The following SEPTIN7 variants were observed in gnomAD, a reference collection of about 807,000 sequenced individuals.
SEPTIN7 encodes septin 7.
Under a neutral mutation model 63.3 loss-of-function variants are expected in SEPTIN7, and 10 were observed. The observed-to-expected ratio is 0.16, with a 90% CI of 0.10 to 0.27. The LOEUF (loss-of-function observed/expected upper bound fraction) is 0.27. Ranked by LOEUF, SEPTIN7 falls within the 10% of genes least tolerant of loss-of-function variation. The pLI, the probability that SEPTIN7 is intolerant of heterozygous loss-of-function variation, is 1.00. For synonymous variants in SEPTIN7, 131 were observed against 165.3 expected, an observed-to-expected ratio of 0.79 and a Z score of 1.59; for missense variants, 310 against 521.0, an observed-to-expected ratio of 0.59 and a Z score of 3.94.
the SEPTIN7 span, among the ~76,000 whole-genome samples, chr7:35,913,353 C>T: frequency 3.7e-4 from 57 of 152,244 alleles, 1 homozygote; most frequent in South Asian, 0.01. Context: ...CACATCAGGC[C>T]GGCCCTCTTC....
intron 3 of SEPTIN7, among the ~76,000 whole-genome samples, chr7:35,846,154 A>T (rs1167810967): frequency 3.9e-5 from 6 of 152,174 alleles, no homozygotes. Flanking sequence ...CTGTAATACC[A>T]TATTTATTTT....
chr7:35,899,719 T>TA (rs1308521871), intron 12 of SEPTIN7: 1 of 151,912 alleles, frequency 6.6e-6, no homozygotes, highest in Non-Finnish European at 1.5e-5. Context: ...CCAATCCCTA[T>TA]AAAAAATTTT....
intron 1 of SEPTIN7, among the ~76,000 whole-genome samples, chr7:35,829,078 T>C (rs1384233726): frequency 6.7e-6 from 1 of 149,540 alleles, no homozygotes; most frequent in Non-Finnish European, 1.5e-5. Context: ...TCATTTCCTA[T>C]CACTCATCCC....
chr7:35,852,380 C>T (rs1038514228), intron 3 of SEPTIN7, among the ~76,000 whole-genome samples: 1 of 151,644 alleles, frequency 6.6e-6, no homozygotes, highest in African/African-American at 2.4e-5. Flanking sequence ...AGTTACACAA[C>T]TACTTTCTTA....
chr7:35,812,026 C>A, intron 1 of SEPTIN7: 1 of 217,614 alleles, frequency 4.6e-6, no homozygotes, highest in Admixed American at 5.7e-5. Context: ...ACTCAGGAGG[C>A]TGAGGCAGGA....
At chr7:35,868,602 T>C (rs1785959975) in intron 4 of SEPTIN7, among the ~76,000 whole-genome samples, 1 of 151,952 alleles carries the variant, frequency 6.6e-6, no homozygotes, top group South Asian at 2.1e-4. Flanking sequence ...AGATGGGTGA[T>C]GGCTATTAAG....
the SEPTIN7 span, among the ~76,000 whole-genome samples, chr7:35,914,639 CT>C: frequency 0.014 from 25 of 1,776 alleles, no homozygotes; most frequent in Non-Finnish European, 0.13. Flanking sequence ...CTTTCTGTCC[CT>C]CTCTCTCTCT....
chr7:35,854,824 A>G (rs1337651403), intron 3 of SEPTIN7, among the ~76,000 whole-genome samples: 1 of 152,090 alleles, frequency 6.6e-6, no homozygotes, highest in African/African-American at 2.4e-5. Context: ...TCTTGTAGAA[A>G]AACTGATATA....
intron 10 of SEPTIN7, 138 bp from the exon 11 acceptor site, chr7:35,890,530 T>G (rs1787568394): frequency 1.5e-6 from 1 of 652,966 alleles, no homozygotes; most frequent in African/African-American, 1.9e-5. Context: ...AATGCCACCT[T>G]CCTTAACAAT....
At chr7:35,894,605 ACT>A (rs1478604171) in intron 11 of SEPTIN7, among the ~76,000 whole-genome samples, 1 of 152,146 alleles carries the variant, frequency 6.6e-6, no homozygotes, top group Non-Finnish European at 1.5e-5. Context: ...TGGTTTTAAT[ACT>A]CTCACATGGC....
At chr7:35,816,259 C>A (rs1451279400) in intron 1 of SEPTIN7, among the ~76,000 whole-genome samples, 1 of 152,148 alleles carries the variant, frequency 6.6e-6, no homozygotes, top group African/African-American at 2.4e-5. Flanking sequence ...CTTGTCCTGG[C>A]AACCACTAAT....
intron 1 of SEPTIN7, among the ~76,000 whole-genome samples, chr7:35,805,972 G>T (rs533340828): frequency 8.9e-4 from 136 of 152,198 alleles, no homozygotes; most frequent in Non-Finnish European, 1.6e-3. Context: ...ATTTGAGGGA[G>T]GGGAGGGCTG....
At chr7:35,837,059 C>T (rs1784118515) in intron 3 of SEPTIN7, among the ~76,000 whole-genome samples, 1 of 152,066 alleles carries the variant, frequency 6.6e-6, no homozygotes, top group Admixed American at 6.5e-5. Flanking sequence ...AGAAAAAAAT[C>T]ACATAATTCC....
chr7:35,838,020 C>T (rs1237644945), intron 3 of SEPTIN7, among the ~76,000 whole-genome samples: 2 of 151,960 alleles, frequency 1.3e-5, no homozygotes, highest in African/African-American at 4.8e-5. Context: ...TGAGCCACCA[C>T]ACCTGGCCGT....
At chr7:35,907,807 T>C (rs1289159781), downstream of SEPTIN7, among the ~76,000 whole-genome samples, 3 of 152,208 alleles carry the variant, frequency 2.0e-5, no homozygotes, top group African/African-American at 4.8e-5. Flanking sequence ...ACTCTGTGAA[T>C]TGGGCATGTA....
Position 35,903,090 on chromosome 7 carries a change from T to G in SEPTIN7, c.1149T>G (p.His383Gln), listed in dbSNP as rs1788419928. ...KDSEAELQRR[H>Q]EQMKKNLEAQ... ...CTATGATTTAGCTCCAGCGGCGCCA[T>G]GAGCAAATGAAAAAGAATTTGGAAG... The change falls in exon 13 of 14, where the codon CAT becomes CAG. Residue 383 changes from histidine to glutamine, a missense_variant. By Grantham distance (24) the His-to-Gln change is conservative. This residue lies in a region of SEPTIN7 where 255 missense variants were observed against 490.5 expected (regional missense o/e 0.52). Transcript: ENST00000350320. 1 of 1,552,412 alleles carries G rather than the reference T, an allele frequency of 6.4e-7. No homozygotes were observed. The highest frequency in any genetic ancestry group is 1.4e-5 in the African/African-American group (1 of 72,906).
At chr7:35,856,026 G>C (rs148927857) in intron 3 of SEPTIN7, among the ~76,000 whole-genome samples, 3 of 152,160 alleles carry the variant, frequency 2.0e-5, no homozygotes, top group African/African-American at 7.2e-5. Context: ...ACTTCCATGT[G>C]TTTCTAATTT....
At chr7:35,915,258 C>T in the SEPTIN7 span, among the ~76,000 whole-genome samples, 2 of 151,336 alleles carry the variant, frequency 1.3e-5, no homozygotes, top group Non-Finnish European at 2.9e-5. Flanking sequence ...CGCTCATACA[C>T]ATATATATAT....
At chr7:35,850,430 A>C (rs1369579142) in intron 3 of SEPTIN7, among the ~76,000 whole-genome samples, 1 of 152,218 alleles carries the variant, frequency 6.6e-6, no homozygotes, top group African/African-American at 2.4e-5. Flanking sequence ...TGTGATCACC[A>C]GCTCCTCTCA....
Sources: allele counts gnomAD v4.1 joint callset (sites outside exome capture counted in the v4.1 genomes callset), GRCh38; gene constraint gnomAD v4.1.1; regional missense constraint gnomAD v4.1.1; transcripts MANE v1.5; gene names NCBI Gene and HGNC (gene_info 2026-07-23, HGNC 2026-07-21).